KCTD3: variants seen among roughly 807,000 people sequenced by gnomAD.
KCTD3 encodes the protein potassium channel tetramerization domain containing 3.
In KCTD3, 41 loss-of-function variants were observed where a neutral mutation model predicts 85.8. The ratio of observed to expected loss-of-function variants is 0.48; its 90% CI spans 0.37 to 0.62. The LOEUF is 0.62. Ranked by LOEUF, KCTD3 falls within the 20% of genes least tolerant of loss-of-function variation. The probability of loss-of-function intolerance (pLI) is 0.00; values close to 1 mark genes in which losing one functional copy is unlikely to be tolerated. For synonymous variants in KCTD3, 338 were observed against 345.4 expected (o/e 0.98, Z 0.24); for missense variants, 724 against 989.9 (o/e 0.73, Z 3.60).
At chr1:215,615,537 A>G (rs1046794652) in intron 15 of KCTD3, among the ~76,000 whole-genome samples, 6 of 151,672 alleles carry the variant, frequency 4.0e-5, no homozygotes, top group Non-Finnish European at 8.8e-5. Flanking sequence ...GGAGAATGGC[A>G]TGAACCCGGG....
Position 215,620,657 on chromosome 1 carries a change from A to G in KCTD3, c.*39A>G. ...TGAATAGTTGTTTCGTTACATTTAG[A>G]TGAAAGTTAAACTTTACTGAATTTC... On this transcript the variant is annotated 3_prime_UTR_variant, in exon 18 of 18. Transcript: ENST00000259154. 3 of 1,391,230 alleles carry G rather than the reference A, an allele frequency of 2.2e-6. No individual in the cohort carries two copies. The highest frequency in any genetic ancestry group is 2.9e-6 in the Non-Finnish European group (3 of 1,020,420). The allele number at this position is 1,391,230 out of a possible 1,614,324, so 86.2% of individuals were successfully genotyped here.
intron 5 of KCTD3, 102 bp downstream of exon 5, chr1:215,577,830 G>A (rs1571873515): frequency 1.6e-6 from 2 of 1,279,200 alleles, no homozygotes; most frequent in Admixed American, 3.7e-5. Flanking sequence ...TGATGGACTT[G>A]TTCAGTGCTT....
intron 8 of KCTD3, among the ~76,000 whole-genome samples, chr1:215,582,550 T>C (rs1006915505): frequency 3.3e-5 from 5 of 152,104 alleles, no homozygotes; most frequent in African/African-American, 1.2e-4. Flanking sequence ...TTATTATATA[T>C]TTTTTGTTTT....
chr1:215,575,563 T>G (rs961029615), intron 3 of KCTD3, among the ~76,000 whole-genome samples: 5 of 152,218 alleles, frequency 3.3e-5, no homozygotes, highest in Non-Finnish European at 5.9e-5. Flanking sequence ...TTAATTGAAT[T>G]CTAGACTGTT....
Position 215,578,971 on chromosome 1 carries a change from A to G in KCTD3, c.398-29A>G, listed in dbSNP as rs567494803. The G allele has an allele frequency of 2.5e-5, 37 of 1,459,820 alleles. No homozygotes were observed. The East Asian group carries it at 9.4e-4, about 37-fold the overall frequency. The allele number at this position is 1,459,820 out of a possible 1,614,324, so 90.4% of individuals were successfully genotyped here. On this transcript the variant is annotated intron_variant, in intron 6 of 17. Transcript: ENST00000259154. ...TAATTTTTGAAAGGTGAACTTAGGAATGTATTTGTTTTCTTCTTCTCTTTA... is the reference window on the plus strand; with the variant it reads ...TAATTTTTGAAAGGTGAACTTAGGAGTGTATTTGTTTTCTTCTTCTCTTTA...
intron 1 of KCTD3, among the ~76,000 whole-genome samples, chr1:215,571,341 C>T (rs957376301): frequency 2.6e-5 from 4 of 152,084 alleles, no homozygotes; most frequent in African/African-American, 7.2e-5. Flanking sequence ...TCTTAAGAGT[C>T]TATTAAGAAA....
Position 215,620,595 on chromosome 1 carries a change from TC to T in KCTD3, c.2426del (p.Ser809Ter). 1 of 1,606,700 alleles carries T rather than the reference TC, an allele frequency of 6.2e-7. No homozygotes were observed. Among genetic ancestry groups the T allele is most frequent in the Non-Finnish European group, 8.5e-7 (1 of 1,177,154 alleles). On this transcript the variant is annotated frameshift_variant, in exon 18 of 18. Transcript: ENST00000259154. LOFTEE classifies it high-confidence loss of function. ...PSPRHKKSDS[S>X]GQEYSL ...TCCTCGGCATAAAAAAAGTGATTCT[TC>T]AGGTCAGGAGTACAGCTTGTGAAAA... is the stretch of plus-strand genomic sequence containing the variant.
At chr1:215,583,443 C>G (rs922762110) in intron 8 of KCTD3, among the ~76,000 whole-genome samples, 3 of 152,166 alleles carry the variant, frequency 2.0e-5, no homozygotes, top group Non-Finnish European at 4.4e-5. Context: ...GCAGTGAGGA[C>G]GACCAGAGGT....
chr1:215,593,804 T>C (rs956228774), intron 9 of KCTD3, among the ~76,000 whole-genome samples: 13 of 152,148 alleles, frequency 8.5e-5, no homozygotes, highest in African/African-American at 2.7e-4. Flanking sequence ...TCCCATAAAG[T>C]GTTTTTCAAA....
chr1:215,618,798 T>C, intron 15 of KCTD3, 88 bp from the exon 16 acceptor site: 1 of 987,012 alleles, frequency 1.0e-6, no homozygotes. Context: ...ACATGTTTGC[T>C]TTCTTTCTTT....
At chr1:215,576,444 G>A (rs1001145080) in intron 4 of KCTD3, among the ~76,000 whole-genome samples, 3 of 151,448 alleles carry the variant, frequency 2.0e-5, no homozygotes, top group Admixed American at 6.6e-5. Flanking sequence ...GGTGGTACAC[G>A]CCTATAATCC....
intron 15 of KCTD3, among the ~76,000 whole-genome samples, chr1:215,615,853 G>C (rs1655423836): frequency 6.6e-6 from 1 of 152,156 alleles, no homozygotes; most frequent in South Asian, 2.1e-4. Flanking sequence ...AAGAAGCAGG[G>C]ACAGCCATGT....
At position 215,595,485 on chromosome 1, in the gene KCTD3, A is replaced by G. The variant is rs1660385875; in HGVS notation, c.933+14A>G. On this transcript the variant is annotated intron_variant, in intron 10 of 17. Coordinates refer to ENST00000259154, the MANE Select transcript of KCTD3 (RefSeq NM_016121.5). ...CAGCACTGGCAGGTTAGTTTAAAGC[A>G]TATTACAGAAGTGAAAATATTTCTG... 2.8e-6 allele frequency: 4 copies of G among 1,429,310 alleles called. No individual in the cohort carries two copies. Among genetic ancestry groups the G allele is most frequent in the African/African-American group, 1.4e-5 (1 of 71,036 alleles). 88.5% of individuals were successfully genotyped at this position (1,429,310 alleles called of 1,614,324 possible).
intron 15 of KCTD3, among the ~76,000 whole-genome samples, chr1:215,617,877 A>T (rs1655518151): frequency 6.8e-6 from 1 of 148,120 alleles, no homozygotes; most frequent in Non-Finnish European, 1.5e-5. Context: ...AATATATATA[A>T]TATATATGTA....
chr1:215,578,939 A>G (rs1483930647), intron 6 of KCTD3, 61 bp from the exon 7 acceptor site: 5 of 1,193,072 alleles, frequency 4.2e-6, no homozygotes, highest in South Asian at 3.2e-5. Context: ...TCACAATGTG[A>G]TATTTTTAAT....
chr1:215,609,922 G>T (rs1655165542), intron 14 of KCTD3, among the ~76,000 whole-genome samples: 1 of 151,896 alleles, frequency 6.6e-6, no homozygotes, highest in African/African-American at 2.4e-5. Context: ...ATGTTTATGA[G>T]TATTCAGCAT....
At chr1:215,569,803 A>G (rs1418013433) in intron 1 of KCTD3, among the ~76,000 whole-genome samples, 2 of 152,168 alleles carry the variant, frequency 1.3e-5, no homozygotes, top group African/African-American at 4.8e-5. Context: ...GATATTAGCA[A>G]AGATACAAAA....
intron 10 of KCTD3, 117 bp from the exon 11 acceptor site, chr1:215,601,750 A>C: frequency 1.6e-6 from 1 of 623,682 alleles, no homozygotes. Flanking sequence ...CCTAAGCCCT[A>C]CTAAAATTGG....
At chr1:215,615,622 GA>G (rs538816906) in intron 15 of KCTD3, among the ~76,000 whole-genome samples, 1,501 of 91,506 alleles carry the variant, frequency 0.016, 23 homozygotes, top group South Asian at 0.11. Context: ...TCCGTCTCAA[GA>G]AAAAAAAAAA....
Sources: allele counts gnomAD v4.1 joint callset (sites outside exome capture counted in the v4.1 genomes callset), GRCh38; gene constraint gnomAD v4.1.1; transcripts MANE v1.5; gene names NCBI Gene and HGNC (gene_info 2026-07-23, HGNC 2026-07-21).